Variants in RCAN3 observed in about 807,000 individuals in gnomAD.
The protein encoded by RCAN3 is calcipressin-3.
Under a neutral mutation model 21.9 loss-of-function variants are expected in RCAN3, and 19 were observed. The ratio of observed to expected loss-of-function variants is 0.87; its 90% CI spans 0.61 to 1.27. The LOEUF (loss-of-function observed/expected upper bound fraction) is 1.27. Among genes scored for constraint, RCAN3 ranks in the 50% most tolerant of loss-of-function variants. The probability of loss-of-function intolerance (pLI) is 0.00; values close to 1 mark genes in which losing one functional copy is unlikely to be tolerated. For synonymous variants in RCAN3, 114 were observed against 112.3 expected, an observed-to-expected ratio of 1.01 and a Z score of -0.09; for missense variants, 240 against 300.1, an observed-to-expected ratio of 0.80 and a Z score of 1.48.
rs1202132973 is a variant in RCAN3, at chr1:24,514,569, T to C, written c.195+2T>C. 1 of 1,612,292 alleles carries C rather than the reference T, an allele frequency of 6.2e-7. No individual in the cohort carries two copies. Among genetic ancestry groups the C allele is most frequent in the Non-Finnish European group, 8.5e-7 (1 of 1,178,934 alleles). ...GTGTTTGAGGCACGAGAGCAGAAGG[T>C]AGGCATCTATCCTCCCTTTCCCTAC... is the stretch of plus-strand genomic sequence containing the variant. On this transcript the variant is annotated splice_donor_variant, in intron 2 of 4. Transcript: ENST00000374395. LOFTEE classifies it high-confidence loss of function.
rs1190040749 is a variant in RCAN3 at position 24,540,058 on chromosome 1, C to T, written c.*4781C>T. 1.3e-5 allele frequency: 2 copies of T among 152,124 alleles called. No individual in the cohort carries two copies. The highest frequency in any genetic ancestry group is 2.1e-4 in the South Asian group (1 of 4,832). The allele number at this position is 152,124 out of a possible 1,614,324, so 9.4% of individuals were successfully genotyped here. On this transcript the variant is annotated 3_prime_UTR_variant, in exon 5 of 5. Transcript: ENST00000374395. ...GAATACTTATTTGTCTTTTAAACTC[C>T]CCTCGGTGTATGGATCATCTTCGTC... is the stretch of plus-strand genomic sequence containing the variant.
chr1:24,522,795 G>A (rs1199246553), intron 2 of RCAN3, among the ~76,000 whole-genome samples: 3 of 152,028 alleles, frequency 2.0e-5, no homozygotes, highest in African/African-American at 7.2e-5. Context: ...AATAAAAAAG[G>A]CAATTTTTAG....
At chr1:24,534,208 C>A (rs778152996) in intron 4 of RCAN3, among the ~76,000 whole-genome samples, 4 of 152,130 alleles carry the variant, frequency 2.6e-5, no homozygotes, top group African/African-American at 9.7e-5. Context: ...TGTTTTTAGA[C>A]GTTAGAGCTG....
intron 1 of RCAN3, among the ~76,000 whole-genome samples, chr1:24,503,411 G>C (rs146832043): frequency 0.015 from 2,247 of 152,162 alleles, 55 homozygotes; most frequent in African/African-American, 0.049. Flanking sequence ...AAAATGTTTT[G>C]TCTTCTCCAC....
At chr1:24,518,922 C>T (rs933801811) in intron 2 of RCAN3, among the ~76,000 whole-genome samples, 4 of 152,064 alleles carry the variant, frequency 2.6e-5, no homozygotes, top group African/African-American at 7.2e-5. Context: ...TACAGGCATC[C>T]ACCACCATGC....
At chr1:24,511,131 G>A (rs542848439) in intron 1 of RCAN3, among the ~76,000 whole-genome samples, 62 of 152,254 alleles carry the variant, frequency 4.1e-4, no homozygotes, top group African/African-American at 1.4e-3. Flanking sequence ...GGCCAACATG[G>A]TGAAACCCTG....
chr1:24,507,042 A>G (rs1369709841), intron 1 of RCAN3, among the ~76,000 whole-genome samples: 2 of 152,204 alleles, frequency 1.3e-5, no homozygotes, highest in African/African-American at 4.8e-5. Flanking sequence ...GAGATACTAA[A>G]AGTTAAATTG....
intron 1 of RCAN3, among the ~76,000 whole-genome samples, chr1:24,509,340 G>C (rs944891358): frequency 6.6e-5 from 10 of 152,206 alleles, no homozygotes; most frequent in Non-Finnish European, 1.5e-5. Flanking sequence ...ATGTGATGCT[G>C]TTTGATAGCA....
chr1:24,520,375 G>A (rs1039170629), intron 2 of RCAN3, among the ~76,000 whole-genome samples: 2 of 152,158 alleles, frequency 1.3e-5, no homozygotes, highest in African/African-American at 4.8e-5. Context: ...TATAGACATT[G>A]CTACAAAACG....
Position 24,533,072 on chromosome 1 carries a change from G to A in RCAN3, c.370-11G>A, listed in dbSNP as rs112653974. ...TTTGCAAACTGGCTTTGAGCGTCTC[G>A]CTCCCTGCAGGTGCAGATGTCCGGC... is the stretch of plus-strand genomic sequence containing the variant. On this transcript the variant is annotated splice_polypyrimidine_tract_variant and intron_variant, in intron 3 of 4. Transcript: ENST00000374395. 45,820 of 1,414,010 alleles carry A rather than the reference G, an allele frequency of 0.032. 2,216 individuals are homozygous for A. The highest frequency in any genetic ancestry group is 0.23 in the African/African-American group (15,401 of 67,992). The allele number at this position is 1,414,010 out of a possible 1,614,324, so 87.6% of individuals were successfully genotyped here. A position where few individuals can be genotyped will look rare whatever the true frequency, so the allele number is the denominator to read the frequency against.
At chr1:24,521,936 G>A (rs1382894954) in intron 2 of RCAN3, among the ~76,000 whole-genome samples, 1 of 152,084 alleles carries the variant, frequency 6.6e-6, no homozygotes, top group Admixed American at 6.6e-5. Context: ...ACAGTTTAAT[G>A]TATTGAGAGC....
intron 2 of RCAN3, among the ~76,000 whole-genome samples, chr1:24,515,582 C>T (rs1648250202): frequency 6.6e-6 from 1 of 152,106 alleles, no homozygotes; most frequent in Non-Finnish European, 1.5e-5. Flanking sequence ...TTTCTCAAAA[C>T]CCTATCACTG....
In RCAN3 at chr1:24,537,975, A is replaced by G. The variant is rs1046723078; in HGVS notation, c.*2698A>G. ...TAGAAATCATAACCTCTTCATGGGAATCAAACTATGTTGAAAATTGTGAGG... is the reference window on the plus strand; with the variant it reads ...TAGAAATCATAACCTCTTCATGGGAGTCAAACTATGTTGAAAATTGTGAGG... On this transcript the variant is annotated 3_prime_UTR_variant, in exon 5 of 5. Coordinates refer to ENST00000374395, the MANE Select transcript of RCAN3 (RefSeq NM_013441.4). 1 of 152,252 alleles carries G rather than the reference A, an allele frequency of 6.6e-6. No homozygotes were observed. The highest frequency in any genetic ancestry group is 1.5e-5 in the Non-Finnish European group (1 of 68,046). 9.4% of individuals were successfully genotyped at this position (152,252 alleles called of 1,614,324 possible). A position where few individuals can be genotyped will look rare whatever the true frequency, so the allele number is the denominator to read the frequency against.
At chr1:24,510,543 C>A (rs1032533257) in intron 1 of RCAN3, among the ~76,000 whole-genome samples, 42 of 152,352 alleles carry the variant, frequency 2.8e-4, no homozygotes, top group Non-Finnish European at 2.1e-4. Context: ...GCTTCCTCAG[C>A]TCTCTCATCC....
upstream of RCAN3, chr1:24,502,771 TC>T (rs1647197484): frequency 6.7e-6 from 1 of 150,318 alleles, no homozygotes; most frequent in Non-Finnish European, 1.5e-5. Context: ...CCCGCCCCGG[TC>T]CCCGCCCGGG....
chr1:24,538,391 T>A lies in RCAN3; in HGVS notation c.*3114T>A, dbSNP rs1019233823. 1 of 151,622 alleles carries A rather than the reference T, an allele frequency of 6.6e-6. No individual in the cohort carries two copies. The highest frequency in any genetic ancestry group is 1.5e-5 in the Non-Finnish European group (1 of 67,922). The allele number at this position is 151,622 out of a possible 1,614,324, so 9.4% of individuals were successfully genotyped here. A position where few individuals can be genotyped will look rare whatever the true frequency, so the allele number is the denominator to read the frequency against. Reference sequence around the variant, plus strand: ...AAGGTTTAAATAAAATATTTTTTATTTTTTATTTTTATTTATTTATTTATT... The same window carrying A: ...AAGGTTTAAATAAAATATTTTTTATATTTTATTTTTATTTATTTATTTATT... On this transcript the variant is annotated 3_prime_UTR_variant, in exon 5 of 5. Coordinates refer to ENST00000374395, the MANE Select transcript of RCAN3 (RefSeq NM_013441.4).
chr1:24,506,869 T>C (rs566050885), intron 1 of RCAN3, among the ~76,000 whole-genome samples: 2 of 152,206 alleles, frequency 1.3e-5, no homozygotes, highest in South Asian at 4.2e-4. Flanking sequence ...CAAGAATAGG[T>C]TGACTTTCTC....
intron 3 of RCAN3, among the ~76,000 whole-genome samples, chr1:24,532,822 T>G (rs968173733): frequency 2.0e-5 from 3 of 150,668 alleles, no homozygotes; most frequent in African/African-American, 7.3e-5. Flanking sequence ...CGTGGTGACA[T>G]GCACCTGTAG....
At chr1:24,534,523 C>T (rs759752025) in intron 4 of RCAN3, among the ~76,000 whole-genome samples, 2 of 152,034 alleles carry the variant, frequency 1.3e-5, no homozygotes, top group South Asian at 4.1e-4. Flanking sequence ...AGGAGAATGG[C>T]GTGAACCCGG....
Sources: gnomAD v4.1 joint callset for allele counts (sites outside exome capture counted in the v4.1 genomes callset) on GRCh38, gnomAD v4.1.1 for gene constraint, MANE v1.5 for transcripts, NCBI Gene and HGNC (gene_info 2026-07-23, HGNC 2026-07-21) for gene names.